Variants in HIP1 observed in about 807,000 individuals in gnomAD.
HIP1 encodes huntingtin interacting protein 1.
A neutral mutation model predicts 147.6 loss-of-function variants in HIP1; 65 were observed. The ratio of observed to expected loss-of-function variants is 0.44; its 90% CI spans 0.36 to 0.54. The LOEUF is 0.54. Ranked by LOEUF, HIP1 falls within the 20% of genes least tolerant of loss-of-function variation. The pLI, the probability that HIP1 is intolerant of heterozygous loss-of-function variation, is 0.00. For missense variants in HIP1, 1,061 were observed against 1,299.6 expected, an observed-to-expected ratio of 0.82 and a Z score of 2.82; for synonymous variants, 479 against 504.0, an observed-to-expected ratio of 0.95 and a Z score of 0.67.
chr7:75,731,464 C>CAG (rs1374541969), intron 1 of HIP1, among the ~76,000 whole-genome samples: 2 of 116,510 alleles, frequency 1.7e-5, no homozygotes, highest in East Asian at 5.3e-4. Flanking sequence ...GCCTGGGTGA[C>CAG]AGAGACTCCA....
intron 2 of HIP1, among the ~76,000 whole-genome samples, chr7:75,594,735 C>T (rs781795311): frequency 6.6e-6 from 1 of 152,076 alleles, no homozygotes; most frequent in African/African-American, 2.4e-5. Context: ...GATTGCACCA[C>T]TGCACTCCAG....
At chr7:75,610,730 T>C (rs1214081512) in intron 1 of HIP1, among the ~76,000 whole-genome samples, 2 of 151,336 alleles carry the variant, frequency 1.3e-5, no homozygotes, top group African/African-American at 2.4e-5. Flanking sequence ...AGGCCAGGCA[T>C]GGTGGCTCAT....
chr7:75,675,471 G>A (rs1799860311), intron 1 of HIP1, among the ~76,000 whole-genome samples: 1 of 152,032 alleles, frequency 6.6e-6, no homozygotes, highest in African/African-American at 2.4e-5. Context: ...CAAAGTGCTG[G>A]GATCCCAGGC....
At chr7:75,678,340 C>CTTTTTT (rs782045169) in intron 1 of HIP1, among the ~76,000 whole-genome samples, 2 of 86,340 alleles carry the variant, frequency 2.3e-5, no homozygotes, top group Non-Finnish European at 2.2e-5. Flanking sequence ...TTCCTTTATT[C>CTTTTTT]TTTTTTTTTT....
chr7:75,673,095 C>T (rs1317268290), intron 1 of HIP1, among the ~76,000 whole-genome samples: 1 of 146,810 alleles, frequency 6.8e-6, no homozygotes, highest in African/African-American at 2.5e-5. Context: ...GATCTCGGCT[C>T]ACTGCAACTT....
At position 75,534,982 on chromosome 7, in the gene HIP1, G is replaced by A; in HGVS notation, c.*3190C>T. 1 of 207,132 alleles carries A rather than the reference G, an allele frequency of 4.8e-6. No individual in the cohort carries two copies. The highest frequency in any genetic ancestry group is 9.8e-6 in the Non-Finnish European group (1 of 101,620). 12.8% of individuals were successfully genotyped at this position (207,132 alleles called of 1,614,324 possible). On this transcript the variant is annotated 3_prime_UTR_variant, in exon 31 of 31. Transcript: ENST00000336926. Reference sequence around the variant, plus strand: ...GATGTGATTCCCGTTTTAATCCAAGGTGTGTCATTAAATAGCTCTTCATCT... The same window carrying A: ...GATGTGATTCCCGTTTTAATCCAAGATGTGTCATTAAATAGCTCTTCATCT...
intron 1 of HIP1, among the ~76,000 whole-genome samples, chr7:75,627,492 C>T (rs1325203297): frequency 6.6e-6 from 1 of 152,132 alleles, no homozygotes; most frequent in Admixed American, 6.6e-5. Flanking sequence ...TGAGATTTGA[C>T]TTCTCTGAGC....
chr7:75,675,751 G>A (rs1554515904), intron 1 of HIP1, among the ~76,000 whole-genome samples: 1 of 152,080 alleles, frequency 6.6e-6, no homozygotes, highest in Non-Finnish European at 1.5e-5. Flanking sequence ...GGTCACGGCA[G>A]GAGAATAACT....
At chr7:75,668,651 A>C (rs1799631633) in intron 1 of HIP1, among the ~76,000 whole-genome samples, 1 of 152,068 alleles carries the variant, frequency 6.6e-6, no homozygotes, top group Non-Finnish European at 1.5e-5. Flanking sequence ...TCAAGCCATC[A>C]TGCCCTTGGG....
chr7:75,671,010 T>C (rs1554515235), intron 1 of HIP1, among the ~76,000 whole-genome samples: 2 of 152,278 alleles, frequency 1.3e-5, no homozygotes, highest in East Asian at 1.9e-4. Flanking sequence ...TATTTGTCTT[T>C]GTTGTGACTA....
In HIP1 at chr7:75,643,396, C is replaced by T. The variant is rs1314133437; in HGVS notation, c.121-44149G>A. The stretch of plus-strand genomic sequence containing the variant: ...CCTGTAATCCCAGCACTTTAGGAGG[C>T]CAAGGCAGGAGGACTGCTTGAGCCC... On this transcript the variant is annotated intron_variant, in intron 1 of 30. Coordinates refer to ENST00000336926, the MANE Select transcript of HIP1 (RefSeq NM_005338.7). Among the ~76,000 whole-genome samples the T allele has an allele frequency of 5.3e-5, 8 of 152,108 alleles. 1 individual carries two copies. Among genetic ancestry groups the T allele is most frequent in the Admixed American group, 1.3e-4 (2 of 15,266 alleles).
At chr7:75,580,518 C>T (rs1554498395) in intron 7 of HIP1, among the ~76,000 whole-genome samples, 1 of 151,926 alleles carries the variant, frequency 6.6e-6, no homozygotes, top group Non-Finnish European at 1.5e-5. Context: ...TGGGAAGACA[C>T]CTTGAGGCTG....
intron 1 of HIP1, among the ~76,000 whole-genome samples, chr7:75,635,414 A>G (rs1420134074): frequency 6.6e-6 from 1 of 152,060 alleles, no homozygotes; most frequent in Non-Finnish European, 1.5e-5. Context: ...AGAGATCATT[A>G]TCAGAACAGC....
intron 1 of HIP1, among the ~76,000 whole-genome samples, chr7:75,645,376 A>G (rs1190936226): frequency 3.3e-5 from 5 of 151,872 alleles, no homozygotes; most frequent in Non-Finnish European, 7.4e-5. Context: ...ATAGGCATGC[A>G]CCACCACACC....
At chr7:75,709,413 C>A (rs1288076648) in intron 1 of HIP1, among the ~76,000 whole-genome samples, 2 of 151,966 alleles carry the variant, frequency 1.3e-5, no homozygotes, top group Non-Finnish European at 2.9e-5. Context: ...TCACCCGGCC[C>A]CAGTATTTTA....
chr7:75,650,220 G>A (rs1046261869), intron 1 of HIP1, among the ~76,000 whole-genome samples: 6 of 152,108 alleles, frequency 3.9e-5, no homozygotes, highest in African/African-American at 9.7e-5. Context: ...CAGGACAGAC[G>A]GGAGCCACTC....
intron 9 of HIP1, among the ~76,000 whole-genome samples, chr7:75,566,920 C>T (rs1041107923): frequency 2.0e-5 from 3 of 150,870 alleles, no homozygotes; most frequent in South Asian, 2.1e-4. Context: ...CAGACCAGCC[C>T]GGCCAACATG....
intron 9 of HIP1, among the ~76,000 whole-genome samples, chr7:75,565,780 G>A (rs1795380613): frequency 6.7e-6 from 1 of 148,592 alleles, no homozygotes; most frequent in South Asian, 2.1e-4. Context: ...TGCCCAAGCT[G>A]TAGTGCAGTG....
intron 1 of HIP1, among the ~76,000 whole-genome samples, chr7:75,641,313 T>C (rs1798645206): frequency 6.6e-6 from 1 of 151,968 alleles, no homozygotes; most frequent in South Asian, 2.1e-4. Context: ...TCTTGCTATG[T>C]TGTACAGGCT....
Sources: allele counts gnomAD v4.1 joint callset (sites outside exome capture counted in the v4.1 genomes callset), GRCh38; gene constraint gnomAD v4.1.1; transcripts MANE v1.5; gene names NCBI Gene and HGNC (gene_info 2026-07-23, HGNC 2026-07-21).